The following CARMIL1 variants were observed in gnomAD, a reference collection of about 807,000 sequenced individuals.
The protein encoded by CARMIL1 is capping protein regulator and myosin 1 linker 1.
CARMIL1 carries 90 observed loss-of-function variants against 177.1 expected under a neutral mutation model. The observed-to-expected ratio is 0.51, with a 90% CI of 0.43 to 0.61. The LOEUF is 0.61. CARMIL1 is among the 20% of genes least tolerant of loss of function. CARMIL1 has a pLI of 0.00. For synonymous variants in CARMIL1, 577 were observed against 606.2 expected (o/e 0.95, Z 0.71); for missense variants, 1,380 against 1,667.0 (o/e 0.83, Z 3.00).
In CARMIL1 at chr6:25,489,620, C is replaced by T. The variant is rs1352295688; in HGVS notation, c.1065+1035C>T. 3.3e-5 allele frequency among the ~76,000 whole-genome samples: 5 copies of T among 152,298 alleles called. No homozygotes were observed. In the East Asian group the frequency reaches 9.6e-4, roughly 29 times the overall value. Reference sequence around the variant, plus strand: ...GCCATCTTTGAATGGCCTTAATTTGCATTCCACTGCTTTGCCACAGGGCTG... The same window carrying T: ...GCCATCTTTGAATGGCCTTAATTTGTATTCCACTGCTTTGCCACAGGGCTG... On this transcript the variant is annotated intron_variant, in intron 13 of 36. Coordinates refer to ENST00000329474, the MANE Select transcript of CARMIL1 (RefSeq NM_017640.6).
intron 35 of CARMIL1, among the ~76,000 whole-genome samples, chr6:25,606,607 G>T (rs1226905936): frequency 6.6e-6 from 1 of 152,170 alleles, no homozygotes; most frequent in Non-Finnish European, 1.5e-5. Flanking sequence ...TCTAATATCT[G>T]TCTCCAGGGC....
chr6:25,424,505 T>G (rs1796128111), intron 3 of CARMIL1, among the ~76,000 whole-genome samples: 1 of 152,302 alleles, frequency 6.6e-6, no homozygotes, highest in South Asian at 2.1e-4. Context: ...TAAGAGAGGG[T>G]ACCTGCTCAC....
intron 2 of CARMIL1, among the ~76,000 whole-genome samples, chr6:25,348,440 C>T (rs928724132): frequency 1.1e-4 from 17 of 151,796 alleles, no homozygotes; most frequent in Non-Finnish European, 2.1e-4. Flanking sequence ...CTGTTAAACG[C>T]GCTTCTAATC....
At chr6:25,312,080 T>C (rs1783867181) in intron 2 of CARMIL1, among the ~76,000 whole-genome samples, 1 of 152,248 alleles carries the variant, frequency 6.6e-6, no homozygotes, top group African/African-American at 2.4e-5. Context: ...TTGGTGATTA[T>C]ATACATTCTA....
intron 20 of CARMIL1, among the ~76,000 whole-genome samples, chr6:25,512,331 A>G (rs1032231389): frequency 2.0e-5 from 3 of 152,226 alleles, no homozygotes; most frequent in Non-Finnish European, 4.4e-5. Flanking sequence ...ATAAATGTGA[A>G]TTCTGTCAAG....
At chr6:25,357,481 G>A (rs1226120503) in intron 2 of CARMIL1, among the ~76,000 whole-genome samples, 1 of 152,174 alleles carries the variant, frequency 6.6e-6, no homozygotes, top group Admixed American at 6.5e-5. Flanking sequence ...CTACTTGGAA[G>A]GTTCAGGCAT....
At chr6:25,453,346 T>A (rs900053916) in intron 8 of CARMIL1, among the ~76,000 whole-genome samples, 1 of 152,122 alleles carries the variant, frequency 6.6e-6, no homozygotes, top group Non-Finnish European at 1.5e-5. Flanking sequence ...ATCCCAAATC[T>A]AAATAACTAT....
chr6:25,513,527 A>G lies in CARMIL1; in HGVS notation c.1633-2148A>G, dbSNP rs150900161. Among the ~76,000 whole-genome samples, 652 of 152,344 alleles carry G rather than the reference A, an allele frequency of 4.3e-3. 3 individuals are homozygous for G. Among genetic ancestry groups the G allele is most frequent in the African/African-American group, 0.015 (631 of 41,582 alleles). On this transcript the variant is annotated intron_variant, in intron 20 of 36. Coordinates refer to ENST00000329474, the MANE Select transcript of CARMIL1 (RefSeq NM_017640.6). ...GGTATATTTGGATGATAAGGACAAT[A>G]ATATGCTTGTTGTCTCTTGGTACCA...
intron 3 of CARMIL1, among the ~76,000 whole-genome samples, chr6:25,424,213 G>A (rs988706100): frequency 6.6e-6 from 1 of 151,998 alleles, no homozygotes; most frequent in African/African-American, 2.4e-5. Flanking sequence ...TTAACACCTC[G>A]ATGCCTTTGC....
chr6:25,338,134 A>T (rs1032074445), intron 2 of CARMIL1, among the ~76,000 whole-genome samples: 1 of 152,090 alleles, frequency 6.6e-6, no homozygotes, highest in African/African-American at 2.4e-5. Context: ...GCGCATGCCT[A>T]TAATCCCAGC....
Position 25,610,101 on chromosome 6 carries a change from T to A in CARMIL1, c.3899T>A (p.Val1300Asp), listed in dbSNP as rs766267754. 1.2e-6 allele frequency: 2 copies of A among 1,613,916 alleles called. No individual in the cohort carries two copies. The highest frequency in any genetic ancestry group is 1.7e-6 in the Non-Finnish European group (2 of 1,179,862). ...CCGAAAGTTGCCCTTCTTCCACCTG[T>A]CCTGAAAAAAGTTCCTTCAGACAAA... Reference protein sequence around the residue: ...SSPKVALLPPVLKKVPSDKER... With the variant: ...SSPKVALLPPDLKKVPSDKER... Residue 1300 changes from valine to aspartate, a missense_variant, in exon 36 of 37, where the codon GTC (valine) becomes GAC (aspartate). Transcript: ENST00000329474.
chr6:25,414,619 G>C (rs900825061), intron 2 of CARMIL1, among the ~76,000 whole-genome samples: 4 of 152,142 alleles, frequency 2.6e-5, no homozygotes, highest in Non-Finnish European at 4.4e-5. Context: ...AATTGGCTCG[G>C]TTTGTGTTGA....
chr6:25,479,282 G>T, intron 11 of CARMIL1: 1 of 502,310 alleles, frequency 2.0e-6, no homozygotes, highest in Admixed American at 2.0e-5. Flanking sequence ...ACTCCTTTGT[G>T]TGTGGCTTCT....
chr6:25,495,897 T>A (rs759295506), intron 16 of CARMIL1, among the ~76,000 whole-genome samples: 3 of 152,132 alleles, frequency 2.0e-5, no homozygotes, highest in Admixed American at 6.6e-5. Flanking sequence ...AAATTCTCTT[T>A]GAGTCTAAAG....
At chr6:25,377,945 T>C (rs1294543399) in intron 2 of CARMIL1, among the ~76,000 whole-genome samples, 2 of 152,142 alleles carry the variant, frequency 1.3e-5, no homozygotes, top group Admixed American at 1.3e-4. Context: ...GGTGGGGCTA[T>C]AGAGCTCCGA....
intron 2 of CARMIL1, among the ~76,000 whole-genome samples, chr6:25,387,858 C>G (rs1240023212): frequency 6.6e-6 from 1 of 152,152 alleles, no homozygotes. Flanking sequence ...TCACCAGATG[C>G]AACTATGGGC....
intron 2 of CARMIL1, among the ~76,000 whole-genome samples, chr6:25,391,583 T>C (rs1224421359): frequency 6.6e-6 from 1 of 152,152 alleles, no homozygotes; most frequent in Admixed American, 6.5e-5. Context: ...GTAGTTACTG[T>C]TCAATGTGAT....
chr6:25,612,809 G>C (rs1816605852), intron 36 of CARMIL1: 1 of 985,192 alleles, frequency 1.0e-6, no homozygotes, highest in Non-Finnish European at 1.2e-6. Flanking sequence ...AGAGGGAAAA[G>C]ATCTTCAAAA....
rs965202711 is a variant in CARMIL1 at position 25,463,924 on chromosome 6, G to A, written c.615-1949G>A. The stretch of plus-strand genomic sequence containing the variant: ...TGCAAGCTCTGCCTCCCGGGTTCAC[G>A]CCATTCTCCTGCCTCAGCCTCCCGA... On this transcript the variant is annotated intron_variant, in intron 8 of 36. Transcript: ENST00000329474. Among the ~76,000 whole-genome samples, 3 of 140,082 alleles carry A rather than the reference G, an allele frequency of 2.1e-5. No individual in the cohort carries two copies. The East Asian group carries it at 6.6e-4, about 31-fold the overall frequency. The allele number at this position is 140,082 out of a possible 152,430, so 91.9% of individuals were successfully genotyped here.
Sources: gnomAD v4.1 joint callset for allele counts (sites outside exome capture counted in the v4.1 genomes callset) on GRCh38, gnomAD v4.1.1 for gene constraint, MANE v1.5 for transcripts, NCBI Gene and HGNC (gene_info 2026-07-23, HGNC 2026-07-21) for gene names.